Variants in ERCC4 observed in about 807,000 individuals in gnomAD.
ERCC4 encodes DNA repair endonuclease XPF.
In ERCC4, 65 loss-of-function variants were observed where a neutral mutation model predicts 76.9. The observed-to-expected ratio is 0.84, with a 90% CI of 0.69 to 1.04. The LOEUF is 1.04. ERCC4 is among the 50% of genes least tolerant of loss of function. The probability of loss-of-function intolerance (pLI) is 0.00; values close to 1 mark genes in which losing one functional copy is unlikely to be tolerated. For synonymous variants in ERCC4, 463 were observed against 410.1 expected (o/e 1.13, Z -1.56); for missense variants, 1,214 against 1,128.2 (o/e 1.08, Z -1.09).
chr16:13,933,368 G>T (rs2032220266), intron 6 of ERCC4: 1 of 156,188 alleles, frequency 6.4e-6, no homozygotes, highest in South Asian at 1.8e-4. Context: ...TTAAGGCATG[G>T]GATAGGGTTA....
rs778153718 is a variant in ERCC4 at position 13,948,228 on chromosome 16, G to T, written c.2632G>T (p.Ala878Ser). ...HHVKNIAELA[A>S]LSQDELTSIL... ...CGTTAAGAACATCGCAGAATTAGCA[G>T]CCCTGTCACAAGACGAGCTCACGAG... Residue 878 changes from alanine to serine, a missense_variant, in exon 11 of 11, where the codon GCC (alanine) becomes TCC (serine). Physicochemically the swap from Ala to Ser is moderately conservative, Grantham distance 99. Coordinates refer to ENST00000311895, the MANE Select transcript of ERCC4 (RefSeq NM_005236.3). 2 of 1,614,152 alleles carry T rather than the reference G, an allele frequency of 1.2e-6. No individual in the cohort carries two copies. The highest frequency in any genetic ancestry group is 1.1e-5 in the South Asian group (1 of 91,086).
intron 4 of ERCC4, 94 bp from the exon 5 acceptor site, chr16:13,930,616 T>TA: frequency 2.2e-6 from 2 of 929,868 alleles, no homozygotes; most frequent in Non-Finnish European, 3.4e-6. Flanking sequence ...CATTTTTAGA[T>TA]ACACAGGAAA....
At chr16:13,945,721 A>G (rs369765334) in intron 10 of ERCC4, among the ~76,000 whole-genome samples, 42 of 152,338 alleles carry the variant, frequency 2.8e-4, no homozygotes, top group African/African-American at 9.6e-4. Flanking sequence ...ACATTGCCTC[A>G]GAGCCTCTGT....
chr16:13,947,082 A>AC (rs1473871290), intron 10 of ERCC4, among the ~76,000 whole-genome samples: 2 of 151,844 alleles, frequency 1.3e-5, no homozygotes, highest in Admixed American at 1.3e-4. Flanking sequence ...TTTTAATGTG[A>AC]CCCCAGGTGG....
intron 8 of ERCC4, among the ~76,000 whole-genome samples, chr16:13,936,250 A>G (rs2032290821): frequency 6.6e-6 from 1 of 152,234 alleles, no homozygotes; most frequent in African/African-American, 2.4e-5. Context: ...GAAATATCAG[A>G]TGAGAAAATG....
intron 5 of ERCC4, chr16:13,931,342 C>A (rs971590461): frequency 5.6e-6 from 1 of 177,088 alleles, no homozygotes; most frequent in African/African-American, 2.4e-5. Flanking sequence ...TTGGCTACCA[C>A]TGTTTTGGCC....
intron 8 of ERCC4, among the ~76,000 whole-genome samples, chr16:13,936,711 C>G (rs2032302698): frequency 1.3e-5 from 2 of 152,186 alleles, no homozygotes; most frequent in African/African-American, 4.8e-5. Flanking sequence ...AGAGCTGAGT[C>G]TCTTGACTCA....
rs112220394 is a variant in ERCC4 at position 13,943,711 on chromosome 16, G to T, written c.1905-1012G>T. Among the ~76,000 whole-genome samples, 687 of 151,698 alleles carry T rather than the reference G, an allele frequency of 4.5e-3. 4 individuals are homozygous for T. Among genetic ancestry groups the T allele is most frequent in the African/African-American group, 0.016 (646 of 41,342 alleles). On this transcript the variant is annotated intron_variant, in intron 9 of 10. Coordinates refer to ENST00000311895, the MANE Select transcript of ERCC4 (RefSeq NM_005236.3). ...TCCCCTCACCTTAGTCTGTTTTATCGCAGTTCCTCAGTTCCAGTTGTTTTT... is the reference window on the plus strand; with the variant it reads ...TCCCCTCACCTTAGTCTGTTTTATCTCAGTTCCTCAGTTCCAGTTGTTTTT...
rs878853037 is a variant in ERCC4 at position 13,920,254 on chromosome 16, A to G, written c.89A>G (p.Asp30Gly). The change falls in exon 1 of 11, where the codon GAC becomes GGC. Residue 30 changes from aspartate (D) to glycine (G), a missense_variant. Physicochemically the swap from Asp to Gly is moderately conservative, Grantham distance 94 (BLOSUM62 -1). Coordinates refer to ENST00000311895, the MANE Select transcript of ERCC4 (RefSeq NM_005236.3). ...RQLVLELLDT[D>G]GLVVCARGLG... is the part of the protein sequence containing the mutation. ...CTGGTGCTGGAACTGCTCGACACTG[A>G]CGGGCTAGTAGTGTGCGCCCGCGGG... The G allele has an allele frequency of 6.2e-7, 1 of 1,607,356 alleles. No homozygotes were observed. Among genetic ancestry groups the G allele is most frequent in the Non-Finnish European group, 8.5e-7 (1 of 1,179,866 alleles).
chr16:13,945,569 A>C (rs916939649), intron 10 of ERCC4, among the ~76,000 whole-genome samples: 1 of 152,192 alleles, frequency 6.6e-6, no homozygotes, highest in Admixed American at 6.5e-5. Flanking sequence ...AATTTAGTAG[A>C]CTTTAGAATA....
chr16:13,920,270 C>T lies in ERCC4; in HGVS notation c.105C>T (p.Cys35=), dbSNP rs762885804. The T allele has an allele frequency of 1.4e-5, 22 of 1,606,386 alleles. No homozygotes were observed. The East Asian group carries it at 4.0e-4, about 29-fold the overall frequency. ...ELLDTDGLVV[C]ARGLGADRLL... is the part of the protein sequence containing the mutation. ...TCGACACTGACGGGCTAGTAGTGTGCGCCCGCGGGCTCGGCGCGGACCGGC... is the reference window on the plus strand; with the variant it reads ...TCGACACTGACGGGCTAGTAGTGTGTGCCCGCGGGCTCGGCGCGGACCGGC... Residue 35 remains cysteine (C), a synonymous_variant, in exon 1 of 11, where the codon TGC becomes TGT. Transcript: ENST00000311895.
In ERCC4 at chr16:13,935,744, G is replaced by T. The variant is rs1184361972; in HGVS notation, c.1811+1G>T. 1 of 1,605,656 alleles carries T rather than the reference G, an allele frequency of 6.2e-7. No homozygotes were observed. On this transcript the variant is annotated splice_donor_variant, in intron 8 of 10. Coordinates refer to ENST00000311895, the MANE Select transcript of ERCC4 (RefSeq NM_005236.3). LOFTEE classifies it high-confidence loss of function. ...CGAGTAGGCCTGGGAAACCTCTGAG[G>T]CAAGTTATAAAGAATCACAGCTTTC...
chr16:13,928,101 C>T lies in ERCC4; in HGVS notation c.658C>T (p.Pro220Ser). 1 of 1,613,472 alleles carries T rather than the reference C, an allele frequency of 6.2e-7. No homozygotes were observed. The highest frequency in any genetic ancestry group is 8.5e-7 in the Non-Finnish European group (1 of 1,179,570). Reference sequence around the variant, plus strand: ...TGTAGAAATCCATGTTTCTATGACACCTACCATGCTTGCTATACAGACTGC... The same window carrying T: ...TGTAGAAATCCATGTTTCTATGACATCTACCATGCTTGCTATACAGACTGC... ...EVVEIHVSMT[P>S]TMLAIQTAIL... is the part of the protein sequence containing the mutation. Residue 220 changes from proline to serine, a missense_variant, in exon 4 of 11, where the codon CCT becomes TCT. Pro to Ser is a moderately conservative substitution (Grantham distance 74, BLOSUM62 -1). Transcript: ENST00000311895.
chr16:13,923,911 T>G (rs3136071), intron 2 of ERCC4, among the ~76,000 whole-genome samples: 91 of 152,306 alleles, frequency 6.0e-4, no homozygotes, highest in African/African-American at 1.8e-3. Context: ...GTCAGTAATA[T>G]CCTGTGACTT....
intron 2 of ERCC4, among the ~76,000 whole-genome samples, chr16:13,925,001 T>C (rs751962245): frequency 3.3e-5 from 5 of 152,236 alleles, no homozygotes; most frequent in Non-Finnish European, 5.9e-5. Context: ...CTTGAGTTGG[T>C]GTGACTAAAT....
At chr16:13,941,947 A>G (rs1271536453) in intron 9 of ERCC4, among the ~76,000 whole-genome samples, 1 of 152,252 alleles carries the variant, frequency 6.6e-6, no homozygotes, top group Non-Finnish European at 1.5e-5. Flanking sequence ...GACTGGGTGC[A>G]GTGGCTCACG....
chr16:13,930,247 G>A (rs2032147558), intron 4 of ERCC4, among the ~76,000 whole-genome samples: 1 of 152,016 alleles, frequency 6.6e-6, no homozygotes, highest in Non-Finnish European at 1.5e-5. Flanking sequence ...GCTTGTGTAT[G>A]CCCTCTGCTT....
At chr16:13,939,275 A>G (rs1225277470) in intron 9 of ERCC4, among the ~76,000 whole-genome samples, 3 of 152,198 alleles carry the variant, frequency 2.0e-5, no homozygotes, top group African/African-American at 4.8e-5. Context: ...GGTATGTGCC[A>G]GGCCCTGTGC....
At chr16:13,939,145 C>G in intron 9 of ERCC4, among the ~76,000 whole-genome samples, 1 of 152,186 alleles carries the variant, frequency 6.6e-6, no homozygotes, top group Admixed American at 6.5e-5. Flanking sequence ...TTATAACAGA[C>G]CAGGCATTAT....
Sources: gnomAD v4.1 joint callset for allele counts (sites outside exome capture counted in the v4.1 genomes callset) on GRCh38, gnomAD v4.1.1 for gene constraint, MANE v1.5 for transcripts, NCBI Gene and HGNC (gene_info 2026-07-23, HGNC 2026-07-21) for gene names.